Variants in KMT2C observed in about 807,000 individuals in gnomAD.
The protein encoded by KMT2C is lysine methyltransferase 2C, also known as histone-lysine N-methyltransferase 2C.
A neutral mutation model predicts 507.9 loss-of-function variants in KMT2C; 88 were observed. The observed-to-expected ratio is 0.17, with a 90% CI of 0.15 to 0.21. The LOEUF (loss-of-function observed/expected upper bound fraction) is 0.21. KMT2C is among the 10% of genes least tolerant of loss of function. The pLI is 1.00. For synonymous variants in KMT2C, 2,049 were observed against 2,080.8 expected (o/e 0.98, Z 0.42); for missense variants, 4,954 against 5,957.8 (o/e 0.83, Z 5.55).
At chr7:152,351,731 A>C (rs1234681803) in intron 2 of KMT2C, among the ~76,000 whole-genome samples, 1 of 152,200 alleles carries the variant, frequency 6.6e-6, no homozygotes, top group African/African-American at 2.4e-5. Flanking sequence ...GTAATCTCTG[A>C]ACATAAATTG....
At chr7:152,211,702 C>G (rs544149988) in intron 23 of KMT2C, among the ~76,000 whole-genome samples, 21 of 152,318 alleles carry the variant, frequency 1.4e-4, no homozygotes, top group Middle Eastern at 6.8e-3. Flanking sequence ...AAAGTCTCTT[C>G]TAACCAACAT....
At position 152,391,275 on chromosome 7, in the gene KMT2C, G is replaced by A. The variant is rs190906210; in HGVS notation, c.162-32600C>T. ...TTTGTTTTTGAGACAGTCTTGCTCT[G>A]CCACCCAGGCTGAAGTGCACTGACT... On this transcript the variant is annotated intron_variant, in intron 1 of 58. Transcript: ENST00000262189. Among the ~76,000 whole-genome samples the A allele has an allele frequency of 5.4e-5, 8 of 147,230 alleles. No homozygotes were observed. In the East Asian group the frequency reaches 1.5e-3, roughly 27 times the overall value.
At position 152,155,489 on chromosome 7, in the gene KMT2C, C is replaced by T. The variant is rs117752159; in HGVS notation, c.11960+421G>A. ...CAGACAGTTCTTAAACTCTCTTCCA[C>T]GACGGCGTTCTCTGATATAGCAACT... On this transcript the variant is annotated intron_variant, in intron 46 of 58. Coordinates refer to ENST00000262189, the MANE Select transcript of KMT2C (RefSeq NM_170606.3). 3.9e-3 allele frequency among the ~76,000 whole-genome samples: 599 copies of T among 152,292 alleles called. 4 individuals carry two copies. The highest frequency in any genetic ancestry group is 0.017 in the Middle Eastern group (5 of 294).
chr7:152,298,953 A>T (rs2096540202), intron 6 of KMT2C, among the ~76,000 whole-genome samples: 1 of 152,198 alleles, frequency 6.6e-6, no homozygotes, highest in Non-Finnish European at 1.5e-5. Flanking sequence ...TGTACACTAT[A>T]ATCTTAAAGC....
rs1338653657 is a variant in KMT2C, at chr7:152,155,853, TA to T, written c.11960+56del. On this transcript the variant is annotated intron_variant, in intron 46 of 58. Coordinates refer to ENST00000262189, the MANE Select transcript of KMT2C (RefSeq NM_170606.3). ...AGACATTATGCCACATACATACATT[TA>T]TTTTTTTTAAAAGAAGAAATAACTA... is the stretch of plus-strand genomic sequence containing the variant. 2.6e-5 allele frequency: 39 copies of T among 1,510,562 alleles called. No homozygotes were observed. In the Admixed American group the frequency reaches 7.6e-4, roughly 30 times the overall value. 93.6% of individuals were successfully genotyped at this position (1,510,562 alleles called of 1,614,324 possible). A position where few individuals can be genotyped will look rare whatever the true frequency, so the allele number is the denominator to read the frequency against.
At chr7:152,260,935 T>G (rs551558095) in intron 9 of KMT2C, among the ~76,000 whole-genome samples, 2 of 152,264 alleles carry the variant, frequency 1.3e-5, no homozygotes, top group East Asian at 3.9e-4. Context: ...TCTTTAACAT[T>G]TATAATCATT....
At chr7:152,145,490 T>C (rs1461762559) in intron 53 of KMT2C, among the ~76,000 whole-genome samples, 195 bp from the exon 54 acceptor site, 1 of 152,218 alleles carries the variant, frequency 6.6e-6, no homozygotes, top group Non-Finnish European at 1.5e-5. Context: ...CAAATTCAGT[T>C]TCAAAGCCAA....
At chr7:152,355,139 T>A (rs2097142013) in intron 2 of KMT2C, among the ~76,000 whole-genome samples, 1 of 152,190 alleles carries the variant, frequency 6.6e-6, no homozygotes. Context: ...TGTGAAAATG[T>A]GAAATGTGAA....
rs7802577 is a variant in KMT2C at position 152,345,505 on chromosome 7, T to C, written c.250+13082A>G. 5.8e-3 allele frequency among the ~76,000 whole-genome samples: 881 copies of C among 152,188 alleles called. 4 individuals carry two copies. The highest frequency in any genetic ancestry group is 9.7e-3 in the Non-Finnish European group (658 of 68,004). On this transcript the variant is annotated intron_variant, in intron 2 of 58. Coordinates refer to ENST00000262189, the MANE Select transcript of KMT2C (RefSeq NM_170606.3). ...AAATATACCAATTAAAAGACAGAAA[T>C]TGTTATAATAGGTTGTGTTTGTTTG...
At position 152,357,134 on chromosome 7, in the gene KMT2C, G is replaced by A. The variant is rs147180103; in HGVS notation, c.250+1453C>T. ...CCAGCTACTTGGGAGGCTGAGGCAGGGAGAACTGCATGAGCCCGGCGGGTG... is the reference window on the plus strand; with the variant it reads ...CCAGCTACTTGGGAGGCTGAGGCAGAGAGAACTGCATGAGCCCGGCGGGTG... On this transcript the variant is annotated intron_variant, in intron 2 of 58. Coordinates refer to ENST00000262189, the MANE Select transcript of KMT2C (RefSeq NM_170606.3). 2.8e-4 allele frequency among the ~76,000 whole-genome samples: 43 copies of A among 151,880 alleles called. No homozygotes were observed. In the East Asian group the frequency reaches 8.0e-3, roughly 28 times the overall value.
intron 6 of KMT2C, among the ~76,000 whole-genome samples, chr7:152,282,702 G>A (rs964875555): frequency 6.6e-6 from 1 of 152,058 alleles, no homozygotes. Context: ...GTAACCAACA[G>A]GAGGCTGAAT....
chr7:152,344,618 A>G (rs1378165352), intron 2 of KMT2C, among the ~76,000 whole-genome samples: 1 of 151,688 alleles, frequency 6.6e-6, no homozygotes, highest in East Asian at 1.9e-4. Flanking sequence ...CTCTAAGGCA[A>G]CAACTCAAAA....
chr7:152,309,926 T>C (rs1200562930), intron 6 of KMT2C, 40 bp downstream of exon 6: 2 of 1,252,562 alleles, frequency 1.6e-6, no homozygotes, highest in Non-Finnish European at 2.3e-6. Context: ...AAAGTGAATG[T>C]TATAAAACTA....
chr7:152,136,696 C>G lies in KMT2C; in HGVS notation c.*136G>C. The G allele has an allele frequency of 1.5e-6, 1 of 659,368 alleles. No homozygotes were observed. The highest frequency in any genetic ancestry group is 2.7e-6 in the Non-Finnish European group (1 of 373,114). 40.8% of individuals were successfully genotyped at this position (659,368 alleles called of 1,614,324 possible). On this transcript the variant is annotated 3_prime_UTR_variant, in exon 59 of 59. Coordinates refer to ENST00000262189, the MANE Select transcript of KMT2C (RefSeq NM_170606.3). Reference sequence around the variant, plus strand: ...CTTTAACCTAAAGGACTGAGGAAATCAGAACTCCCAGAAGCTTTTTCAAAA... The same window carrying G: ...CTTTAACCTAAAGGACTGAGGAAATGAGAACTCCCAGAAGCTTTTTCAAAA...
At chr7:152,258,547 C>T (rs2095702265) in intron 9 of KMT2C, among the ~76,000 whole-genome samples, 1 of 151,710 alleles carries the variant, frequency 6.6e-6, no homozygotes, top group Admixed American at 6.6e-5. Flanking sequence ...GTTTTTGAGA[C>T]AGAGTCTATC....
At position 152,177,768 on chromosome 7, in the gene KMT2C, C is replaced by T. The variant is rs199606477; in HGVS notation, c.7685G>A (p.Arg2562Lys). 11 of 1,614,060 alleles carry T rather than the reference C, an allele frequency of 6.8e-6. No individual in the cohort carries two copies. Among genetic ancestry groups the T allele is most frequent in the Non-Finnish European group, 8.5e-6 (10 of 1,180,002 alleles). ...TTGCCTTCCGTCAGGAGCCCTATGT[C>T]TCAGTTCAATATATGCTTGGCCCAG... Reference protein sequence around the residue: ...NILGQAYIELRHRAPDGRQRL... With the variant: ...NILGQAYIELKHRAPDGRQRL... Residue 2562 changes from arginine to lysine, a missense_variant, in exon 38 of 59, where the codon AGA becomes AAA. Physicochemically the swap from Arg to Lys is conservative, Grantham distance 26. Around this residue, in one of 29 missense-constraint regions of KMT2C, gnomAD observed 1,689 missense variants for 1,654.3 expected, o/e 1.02. Coordinates refer to ENST00000262189, the MANE Select transcript of KMT2C (RefSeq NM_170606.3).
intron 55 of KMT2C, among the ~76,000 whole-genome samples, chr7:152,140,749 C>T (rs796902104): frequency 3.9e-5 from 6 of 152,266 alleles, no homozygotes; most frequent in African/African-American, 1.4e-4. Context: ...TCATGAAGCA[C>T]ATCCGGGAGC....
chr7:152,213,665 T>C (rs951736469), intron 23 of KMT2C, among the ~76,000 whole-genome samples: 1 of 152,020 alleles, frequency 6.6e-6, no homozygotes, highest in Non-Finnish European at 1.5e-5. Flanking sequence ...CAATGATTTT[T>C]TGGATATCAC....
intron 2 of KMT2C, among the ~76,000 whole-genome samples, chr7:152,345,723 G>A (rs180811364): frequency 5.3e-5 from 8 of 152,142 alleles, no homozygotes; most frequent in Admixed American, 3.3e-4. Flanking sequence ...GTTTCACCAC[G>A]TTGGTCAGGC....
Sources: gnomAD v4.1 joint callset for allele counts (sites outside exome capture counted in the v4.1 genomes callset) on GRCh38, gnomAD v4.1.1 for gene constraint, gnomAD v4.1.1 regional missense constraint, MANE v1.5 for transcripts, NCBI Gene and HGNC (gene_info 2026-07-23, HGNC 2026-07-21) for gene names.